FARS2: variants seen among roughly 807,000 people sequenced by gnomAD.
The protein encoded by FARS2 is phenylalanyl-tRNA synthetase 2, mitochondrial.
In FARS2, 40 loss-of-function variants were observed where a neutral mutation model predicts 46.4. The ratio of observed to expected loss-of-function variants is 0.86; its 90% CI spans 0.67 to 1.12. The LOEUF (loss-of-function observed/expected upper bound fraction) is 1.12. Ranked by LOEUF, FARS2 falls within the 50% of genes most tolerant of loss-of-function variation. The pLI is 0.00. For missense variants in FARS2, 513 were observed against 567.9 expected, an observed-to-expected ratio of 0.90 and a Z score of 0.98; for synonymous variants, 234 against 214.9, an observed-to-expected ratio of 1.09 and a Z score of -0.78.
intron 5 of FARS2, among the ~76,000 whole-genome samples, chr6:5,580,595 A>C (rs1300420709): frequency 6.6e-6 from 1 of 152,120 alleles, no homozygotes; most frequent in East Asian, 1.9e-4. Context: ...TTCTCTCTGT[A>C]AAGTGGGTAT....
At chr6:5,478,228 T>C (rs185544673) in intron 4 of FARS2, among the ~76,000 whole-genome samples, 98 of 152,310 alleles carry the variant, frequency 6.4e-4, no homozygotes, top group African/African-American at 2.0e-3. Context: ...ATAATTTCAT[T>C]AGCCTAACCT....
chr6:5,340,895 C>T (rs1417850141), intron 1 of FARS2, among the ~76,000 whole-genome samples: 1 of 151,892 alleles, frequency 6.6e-6, no homozygotes, highest in Non-Finnish European at 1.5e-5. Flanking sequence ...CGCCTGTAAT[C>T]CCAGCACTTT....
At chr6:5,369,943 A>G (rs978552053) in intron 2 of FARS2, among the ~76,000 whole-genome samples, 25 of 151,472 alleles carry the variant, frequency 1.7e-4, no homozygotes, top group Non-Finnish European at 2.8e-4. Flanking sequence ...AAAACTTGCC[A>G]TACCACTTGT....
chr6:5,545,782 C>T (rs184959145), intron 5 of FARS2, among the ~76,000 whole-genome samples: 323 of 152,240 alleles, frequency 2.1e-3, no homozygotes, highest in African/African-American at 7.0e-3. Flanking sequence ...CTGCAAAGGA[C>T]GTGAACTCAT....
intron 6 of FARS2, among the ~76,000 whole-genome samples, chr6:5,619,244 A>T (rs1009442846): frequency 6.6e-6 from 1 of 152,086 alleles, no homozygotes; most frequent in Admixed American, 6.6e-5. Context: ...CCTTTTTGAG[A>T]GTGGGAATTG....
At chr6:5,264,956 G>A (rs1318570165) in intron 1 of FARS2, among the ~76,000 whole-genome samples, 1 of 147,738 alleles carries the variant, frequency 6.8e-6, no homozygotes, top group Non-Finnish European at 1.5e-5. Flanking sequence ...ACCATGCCTG[G>A]CAGATTTTTA....
At chr6:5,480,428 C>T (rs1582226642) in intron 4 of FARS2, among the ~76,000 whole-genome samples, 3 of 152,272 alleles carry the variant, frequency 2.0e-5, no homozygotes, top group Admixed American at 6.5e-5. Context: ...AAGAACATGG[C>T]GCAGAACGCA....
chr6:5,308,271 G>A (rs142155737), intron 1 of FARS2, among the ~76,000 whole-genome samples: 72 of 152,336 alleles, frequency 4.7e-4, no homozygotes, highest in Admixed American at 7.8e-4. Flanking sequence ...AAGGAGCCCA[G>A]TGATGCAGAC....
chr6:5,736,239 A>C (rs539969416), intron 6 of FARS2, among the ~76,000 whole-genome samples: 38 of 152,338 alleles, frequency 2.5e-4, no homozygotes, highest in Non-Finnish European at 5.1e-4. Flanking sequence ...TGGATTCCCC[A>C]GGGAGTGACC....
intron 2 of FARS2, among the ~76,000 whole-genome samples, chr6:5,373,075 G>T (rs1208724556): frequency 6.6e-6 from 1 of 152,012 alleles, no homozygotes; most frequent in African/African-American, 2.4e-5. Flanking sequence ...CAAATGCATG[G>T]GAAGTCACAA....
chr6:5,319,362 C>T (rs1208485815), intron 1 of FARS2, among the ~76,000 whole-genome samples: 2 of 152,242 alleles, frequency 1.3e-5, no homozygotes, highest in East Asian at 1.9e-4. Context: ...TAGGAACACT[C>T]GACTGGTAAG....
At chr6:5,430,253 G>A (rs1763086875) in intron 3 of FARS2, among the ~76,000 whole-genome samples, 2 of 152,140 alleles carry the variant, frequency 1.3e-5, no homozygotes, top group East Asian at 1.9e-4. Context: ...TTCTCAGTGG[G>A]CATCAAGCTC....
At position 5,368,809 on chromosome 6, in the gene FARS2, A is replaced by G. The variant is rs1000610059; in HGVS notation, c.239A>G (p.Asn80Ser). ...VLTRVGRNLHNQQHHPLWLIK... is the reference protein window; with the variant it reads ...VLTRVGRNLHSQQHHPLWLIK... ...ACCAGAGTTGGCAGGAACCTGCACA[A>G]CCAGCAGCATCACCCTCTGTGGCTG... is the stretch of plus-strand genomic sequence containing the variant. Residue 80 changes from asparagine to serine, a missense_variant, in exon 2 of 7, where the codon AAC (asparagine) becomes AGC (serine). Physicochemically the swap from Asn to Ser is conservative, Grantham distance 46. Transcript: ENST00000274680. 1 of 1,614,136 alleles carries G rather than the reference A, an allele frequency of 6.2e-7. No individual in the cohort carries two copies. The highest frequency in any genetic ancestry group is 1.7e-5 in the Admixed American group (1 of 60,022).
chr6:5,465,555 C>G (rs758976257), intron 4 of FARS2, among the ~76,000 whole-genome samples: 1 of 152,098 alleles, frequency 6.6e-6, no homozygotes, highest in Non-Finnish European at 1.5e-5. Context: ...TTTTAAAGAC[C>G]CCCTGGTCTT....
chr6:5,600,223 AT>A (rs1774432281), intron 5 of FARS2, among the ~76,000 whole-genome samples: 1 of 152,226 alleles, frequency 6.6e-6, no homozygotes, highest in Non-Finnish European at 1.5e-5. Context: ...GTTCCATATG[AT>A]TTCATTATGG....
intron 1 of FARS2, among the ~76,000 whole-genome samples, chr6:5,269,327 G>A (rs1477999590): frequency 2.6e-5 from 4 of 151,602 alleles, no homozygotes; most frequent in Admixed American, 6.6e-5. Flanking sequence ...ATCGCACACC[G>A]GGGCCTGTGG....
intron 6 of FARS2, among the ~76,000 whole-genome samples, chr6:5,741,285 C>T (rs867259033): frequency 4.6e-5 from 7 of 152,214 alleles, no homozygotes; most frequent in African/African-American, 1.7e-4. Context: ...GAGAGTTACC[C>T]TATGCTGACT....
At chr6:5,457,659 T>C (rs1764978092) in intron 4 of FARS2, among the ~76,000 whole-genome samples, 1 of 152,212 alleles carries the variant, frequency 6.6e-6, no homozygotes, top group South Asian at 2.1e-4. Flanking sequence ...TCCATGAATA[T>C]TTAATAGCCT....
At chr6:5,646,568 A>G (rs374201441) in intron 6 of FARS2, among the ~76,000 whole-genome samples, 5 of 152,194 alleles carry the variant, frequency 3.3e-5, no homozygotes, top group Admixed American at 1.3e-4. Context: ...TCTGTTCGCT[A>G]TAACTACAGT....
Sources: allele counts gnomAD v4.1 joint callset (sites outside exome capture counted in the v4.1 genomes callset), GRCh38; gene constraint gnomAD v4.1.1; transcripts MANE v1.5; gene names NCBI Gene and HGNC (gene_info 2026-07-23, HGNC 2026-07-21).